MSR1: variants seen among roughly 807,000 people sequenced by gnomAD.
The protein encoded by MSR1 is macrophage scavenger receptor types I and II.
MSR1 carries 53 observed loss-of-function variants against 47.2 expected under a neutral mutation model. The observed-to-expected ratio is 1.12, with a 90% confidence interval of 0.90 to 1.41. MSR1 has a LOEUF of 1.41. Among genes scored for constraint, MSR1 ranks in the 40% most tolerant of loss-of-function variants. The pLI is 0.00. For missense variants in MSR1, 786 were observed against 546.9 expected, an observed-to-expected ratio of 1.44 and a Z score of -4.36; for synonymous variants, 239 against 185.6, an observed-to-expected ratio of 1.29 and a Z score of -2.34.
chr8:16,112,923 T>A (rs1201177175), intron 9 of MSR1, among the ~76,000 whole-genome samples: 1 of 149,610 alleles, frequency 6.7e-6, no homozygotes, highest in East Asian at 2.0e-4. Flanking sequence ...GGATTGATAT[T>A]GATTATATAT....
chr8:16,127,080 A>T (rs1800146112), intron 8 of MSR1, among the ~76,000 whole-genome samples: 1 of 152,162 alleles, frequency 6.6e-6, no homozygotes, highest in Admixed American at 6.5e-5. Flanking sequence ...TGATGGGAGA[A>T]AAAAAGTATC....
intron 1 of MSR1, among the ~76,000 whole-genome samples, chr8:16,182,788 G>A (rs994515970): frequency 2.0e-5 from 3 of 152,008 alleles, no homozygotes; most frequent in African/African-American, 7.2e-5. Flanking sequence ...ACATACCTGA[G>A]GCTGCTTTAT....
At position 16,109,503 on chromosome 8, in the gene MSR1, T is replaced by C; in HGVS notation, c.*582A>G. 1 of 154,064 alleles carries C rather than the reference T, an allele frequency of 6.5e-6. No individual in the cohort carries two copies. Among genetic ancestry groups the C allele is most frequent in the South Asian group, 2.0e-4 (1 of 4,942 alleles). The allele number at this position is 154,064 out of a possible 1,614,324, so 9.5% of individuals were successfully genotyped here. ...AGTTGTCAGTACATGACAAGAAAAA[T>C]AAGCTCCCTGGTCCATAGTGGCCAA... On this transcript the variant is annotated 3_prime_UTR_variant, in exon 10 of 10. Transcript: ENST00000262101.
chr8:16,118,068 T>C (rs1197361711), intron 9 of MSR1, among the ~76,000 whole-genome samples: 1 of 152,170 alleles, frequency 6.6e-6, no homozygotes, highest in Non-Finnish European at 1.5e-5. Flanking sequence ...GATCTCTGCA[T>C]AATATAAGCA....
At chr8:16,163,879 C>T (rs1801228753) in intron 5 of MSR1, among the ~76,000 whole-genome samples, 186 bp downstream of exon 5, 1 of 151,764 alleles carries the variant, frequency 6.6e-6, no homozygotes, top group Non-Finnish European at 1.5e-5. Flanking sequence ...TAAGTGATAC[C>T]AGGCTACTGG....
chr8:16,185,924 C>T (rs933240740), intron 1 of MSR1, among the ~76,000 whole-genome samples: 4 of 150,006 alleles, frequency 2.7e-5, no homozygotes, highest in Admixed American at 2.0e-4. Flanking sequence ...GAAGACTCAG[C>T]ACAAAAGACA....
chr8:16,189,064 A>G (rs997743190), intron 1 of MSR1, among the ~76,000 whole-genome samples: 1 of 144,964 alleles, frequency 6.9e-6, no homozygotes, highest in Non-Finnish European at 1.5e-5. Context: ...ATAAAACCTT[A>G]TTTTACATAT....
intron 1 of MSR1, among the ~76,000 whole-genome samples, chr8:16,189,503 A>T (rs1400812237): frequency 1.0e-5 from 1 of 97,196 alleles, no homozygotes; most frequent in Non-Finnish European, 1.7e-5. Context: ...TATTTTATAT[A>T]TATTTTTATA....
Position 16,164,226 on chromosome 8 carries a change from A to G in MSR1, c.656T>C (p.Val219Ala), listed in dbSNP as rs1484394431. ...QEEISKLEER[V>A]YNVSAEIMAM... ...CATAATTTCTGCTGATACATTGTAA[A>G]CACGCTCCTCTAATTTACTGATTTC... is the stretch of plus-strand genomic sequence containing the variant. The change falls in exon 5 of 10, where the codon GTT (valine) becomes GCT (alanine). Residue 219 changes from valine to alanine, a missense_variant. By Grantham distance (64) the Val-to-Ala change is moderately conservative (BLOSUM62 0). Transcript: ENST00000262101. 4 of 1,612,046 alleles carry G rather than the reference A, an allele frequency of 2.5e-6. No homozygotes were observed. In the South Asian group the frequency reaches 4.4e-5, roughly 18 times the overall value.
At chr8:16,187,390 G>C (rs1271477834) in intron 1 of MSR1, among the ~76,000 whole-genome samples, 1 of 92,028 alleles carries the variant, frequency 1.1e-5, no homozygotes, top group African/African-American at 4.4e-5. Context: ...AAAAAAAAAA[G>C]GAAAGAAAGA....
chr8:16,185,438 A>T (rs536857188), intron 1 of MSR1, among the ~76,000 whole-genome samples: 1 of 152,278 alleles, frequency 6.6e-6, no homozygotes, highest in East Asian at 1.9e-4. Context: ...TGGTTATATC[A>T]TCCATTTACA....
intron 4 of MSR1, among the ~76,000 whole-genome samples, chr8:16,164,788 G>A (rs1186275385): frequency 6.6e-6 from 1 of 151,902 alleles, no homozygotes; most frequent in Non-Finnish European, 1.5e-5. Flanking sequence ...AGTTTGCATT[G>A]CCTCTGTATT....
intron 8 of MSR1, chr8:16,140,836 ACC>A: frequency 6.4e-7 from 1 of 1,562,432 alleles, no homozygotes; most frequent in South Asian, 1.2e-5. Flanking sequence ...AGCACCAGGG[ACC>A]AGGAGAGAAG....
chr8:16,137,745 G>C (rs954370909), intron 8 of MSR1, among the ~76,000 whole-genome samples: 5 of 152,128 alleles, frequency 3.3e-5, no homozygotes, highest in Admixed American at 6.6e-5. Flanking sequence ...GTAATCCCAA[G>C]ATTTTGGGAG....
chr8:16,179,902 A>AT lies in MSR1; in HGVS notation c.-4-1911_-4-1910insA, dbSNP rs1801776319. On this transcript the variant is annotated intron_variant, in intron 1 of 9. Transcript: ENST00000262101. ...CTCAAAAAAAAAAAAAAAAAAAAAA[A>AT]AGTATTTATTTATTTATTTACTTAT... Among the ~76,000 whole-genome samples, 6 of 145,458 alleles carry AT rather than the reference A, an allele frequency of 4.1e-5. No individual in the cohort carries two copies. The Admixed American group carries it at 4.3e-4, about 10-fold the overall frequency.
chr8:16,159,683 T>C lies in MSR1; in HGVS notation c.817+4382A>G, dbSNP rs189417068. Among the ~76,000 whole-genome samples, 1,053 of 152,096 alleles carry C rather than the reference T, an allele frequency of 6.9e-3. 12 individuals are homozygous for C. Among genetic ancestry groups the C allele is most frequent in the African/African-American group, 0.024 (994 of 41,540 alleles). ...AACAGTTTCTAATGGAAGTAGCTTG[T>C]GTCCAGGAAGAGTGAACACTGTTCT... On this transcript the variant is annotated intron_variant, in intron 5 of 9. Coordinates refer to ENST00000262101, the MANE Select transcript of MSR1 (RefSeq NM_138715.3).
intron 7 of MSR1, among the ~76,000 whole-genome samples, chr8:16,149,472 C>T (rs113990291): frequency 6.6e-6 from 1 of 151,998 alleles, no homozygotes; most frequent in Non-Finnish European, 1.5e-5. Flanking sequence ...AAGCAATCCT[C>T]CCACCTCAGC....
Position 16,192,384 on chromosome 8 carries a change from G to A in MSR1, c.-5+214C>T, listed in dbSNP as rs35716816. Among the ~76,000 whole-genome samples, 1,388 of 152,022 alleles carry A rather than the reference G, an allele frequency of 9.1e-3. 20 individuals are homozygous for A. The highest frequency in any genetic ancestry group is 0.031 in the African/African-American group (1,295 of 41,476). ...GTGAACATATATGTTTTTCACTCAT[G>A]GAAAATTTAGCAGAAATCCCTATTT... On this transcript the variant is annotated intron_variant, in intron 1 of 9. Coordinates refer to ENST00000262101, the MANE Select transcript of MSR1 (RefSeq NM_138715.3).
At chr8:16,117,700 C>T (rs1173469630) in intron 9 of MSR1, among the ~76,000 whole-genome samples, 1 of 152,034 alleles carries the variant, frequency 6.6e-6, no homozygotes, top group Non-Finnish European at 1.5e-5. Context: ...GTGATAGCAA[C>T]CAAAGTGAGA....
Sources: allele counts gnomAD v4.1 joint callset (sites outside exome capture counted in the v4.1 genomes callset), GRCh38; gene constraint gnomAD v4.1.1; transcripts MANE v1.5; gene names NCBI Gene and HGNC (gene_info 2026-07-23, HGNC 2026-07-21).